The following CFAP299 variants were observed in gnomAD, a reference collection of about 807,000 sequenced individuals.
CFAP299 encodes cilia- and flagella-associated protein 299.
In CFAP299, 21 loss-of-function variants were observed where a neutral mutation model predicts 27.0. That is an observed-to-expected ratio of 0.78 (90% CI 0.55 to 1.12). The LOEUF is 1.12. Ranked by LOEUF, CFAP299 falls within the 50% of genes most tolerant of loss-of-function variation. The pLI is 0.00. For synonymous variants in CFAP299, 104 were observed against 98.1 expected (o/e 1.06, Z -0.36); for missense variants, 310 against 276.6 (o/e 1.12, Z -0.86).
intron 3 of CFAP299, among the ~76,000 whole-genome samples, chr4:80,810,553 C>T (rs990318107): frequency 1.3e-5 from 2 of 151,960 alleles, no homozygotes; most frequent in African/African-American, 2.4e-5. Context: ...AAGAATGCAA[C>T]GTGAAGATGA....
At chr4:80,756,834 A>C (rs902436744) in intron 3 of CFAP299, among the ~76,000 whole-genome samples, 1 of 152,206 alleles carries the variant, frequency 6.6e-6, no homozygotes, top group African/African-American at 2.4e-5. Context: ...GATCAAGATT[A>C]GAAATATTTT....
chr4:80,348,227 G>A (rs535007823), intron 1 of CFAP299, among the ~76,000 whole-genome samples: 2 of 152,184 alleles, frequency 1.3e-5, no homozygotes, highest in South Asian at 2.1e-4. Flanking sequence ...CACTCAGGAC[G>A]TCAGCATGGG....
At chr4:80,924,031 G>A (rs1400374896) in intron 4 of CFAP299, among the ~76,000 whole-genome samples, 1 of 151,936 alleles carries the variant, frequency 6.6e-6, no homozygotes, top group Non-Finnish European at 1.5e-5. Flanking sequence ...GGAAGGGAGA[G>A]ATGAAACTGA....
At chr4:80,625,285 G>A (rs1738825694) in intron 3 of CFAP299, among the ~76,000 whole-genome samples, 1 of 152,032 alleles carries the variant, frequency 6.6e-6, no homozygotes, top group Admixed American at 6.6e-5. Flanking sequence ...GTGTGTGTAT[G>A]TGTGTGTATG....
chr4:80,887,045 G>A (rs1015829169), intron 4 of CFAP299, among the ~76,000 whole-genome samples: 1 of 150,860 alleles, frequency 6.6e-6, no homozygotes, highest in Non-Finnish European at 1.5e-5. Flanking sequence ...GGAGACAAAA[G>A]AAAAAAAATA....
chr4:80,533,368 G>A (rs901339798), intron 2 of CFAP299, among the ~76,000 whole-genome samples: 1 of 152,176 alleles, frequency 6.6e-6, no homozygotes, highest in Non-Finnish European at 1.5e-5. Flanking sequence ...AGTAAACACA[G>A]GTGTGGAATT....
intron 3 of CFAP299, among the ~76,000 whole-genome samples, chr4:80,665,775 A>C (rs1293844871): frequency 6.6e-6 from 1 of 152,168 alleles, no homozygotes; most frequent in Non-Finnish European, 1.5e-5. Context: ...AGATTGTGGG[A>C]GTAGATTTTT....
rs76985851 is a variant in CFAP299 at position 80,828,292 on chromosome 4, T to C, written c.334-41701T>C. Among the ~76,000 whole-genome samples, 128 of 152,162 alleles carry C rather than the reference T, an allele frequency of 8.4e-4. 2 individuals are homozygous for C. The East Asian group carries it at 0.024, about 28-fold the overall frequency. On this transcript the variant is annotated intron_variant, in intron 3 of 5. Transcript: ENST00000358105. ...TGGAGGACTTTGTGATTTCAAAACT[T>C]ACTAAAAAGCTATGGAAATCAAAAT...
chr4:80,871,064 G>A (rs1011377928), intron 4 of CFAP299: 51 of 436,356 alleles, frequency 1.2e-4, no homozygotes, highest in East Asian at 4.7e-4. Flanking sequence ...ATACCACCAC[G>A]TCTGGATACT....
intron 3 of CFAP299, among the ~76,000 whole-genome samples, chr4:80,783,059 A>G (rs907814431): frequency 6.6e-6 from 1 of 152,104 alleles, no homozygotes; most frequent in African/African-American, 2.4e-5. Flanking sequence ...ATAATTCTGT[A>G]AGTGAGAAAT....
At chr4:80,706,788 T>C (rs1020427534) in intron 3 of CFAP299, among the ~76,000 whole-genome samples, 11 of 152,124 alleles carry the variant, frequency 7.2e-5, no homozygotes, top group Middle Eastern at 6.8e-3. Context: ...GACATTTCTG[T>C]ATCTGATTAG....
At chr4:80,739,339 A>T (rs766753729) in intron 3 of CFAP299, among the ~76,000 whole-genome samples, 1 of 152,112 alleles carries the variant, frequency 6.6e-6, no homozygotes, top group Non-Finnish European at 1.5e-5. Context: ...CCTTTCTTGC[A>T]CGTCAGGTCT....
intron 3 of CFAP299, among the ~76,000 whole-genome samples, chr4:80,819,972 G>A (rs1370249459): frequency 6.6e-6 from 1 of 152,066 alleles, no homozygotes; most frequent in African/African-American, 2.4e-5. Flanking sequence ...TTATGTTGTT[G>A]TTGTTGTTGT....
intron 3 of CFAP299, among the ~76,000 whole-genome samples, chr4:80,653,726 T>C (rs992985449): frequency 1.3e-5 from 2 of 152,220 alleles, no homozygotes; most frequent in Non-Finnish European, 2.9e-5. Context: ...AAAATGTGTT[T>C]GAAGCATACA....
intron 3 of CFAP299, among the ~76,000 whole-genome samples, chr4:80,751,422 G>A (rs145917352): frequency 1.1e-3 from 162 of 152,230 alleles, no homozygotes; most frequent in African/African-American, 3.7e-3. Context: ...AGGCTGGAAT[G>A]GCTGAGTCAA....
chr4:80,892,434 A>T (rs1734355048), intron 4 of CFAP299, among the ~76,000 whole-genome samples: 1 of 152,224 alleles, frequency 6.6e-6, no homozygotes. Context: ...TCTCTCCAGG[A>T]CATTGGTCTG....
intron 3 of CFAP299, among the ~76,000 whole-genome samples, chr4:80,863,007 T>C (rs1186928209): frequency 2.0e-5 from 3 of 152,130 alleles, no homozygotes; most frequent in Non-Finnish European, 4.4e-5. Flanking sequence ...GAAGGGTCCC[T>C]AAAATTAATG....
rs775192732 is a variant in CFAP299 at position 80,473,855 on chromosome 4, G to A, written c.243-109238G>A. Among the ~76,000 whole-genome samples the A allele has an allele frequency of 1.2e-3, 176 of 152,306 alleles. 1 individual carries two copies. The highest frequency in any genetic ancestry group is 3.4e-3 in the Middle Eastern group (1 of 294). ...AATCCTCCCACCTTGGCCTCCCAAA[G>A]TGTTGGGATTACAGGCATGAGCCAC... On this transcript the variant is annotated intron_variant, in intron 2 of 5. Transcript: ENST00000358105.
At chr4:80,668,001 G>T (rs2109989123) in intron 3 of CFAP299, among the ~76,000 whole-genome samples, 1 of 151,820 alleles carries the variant, frequency 6.6e-6, no homozygotes, top group South Asian at 2.1e-4. Flanking sequence ...CTGTCTTTTT[G>T]ATAAAAGCCA....
Sources: allele counts gnomAD v4.1 joint callset (sites outside exome capture counted in the v4.1 genomes callset), GRCh38; gene constraint gnomAD v4.1.1; transcripts MANE v1.5; gene names NCBI Gene and HGNC (gene_info 2026-07-23, HGNC 2026-07-21).